NRXN1: variants seen among roughly 807,000 people sequenced by gnomAD.
NRXN1 encodes neurexin-1.
A neutral mutation model predicts 150.9 loss-of-function variants in NRXN1; 39 were observed. The ratio of observed to expected loss-of-function variants is 0.26; its 90% CI spans 0.20 to 0.34. The LOEUF is 0.34. NRXN1 is among the 10% of genes least tolerant of loss of function. The probability of loss-of-function intolerance (pLI) is 1.00; values close to 1 mark genes in which losing one functional copy is unlikely to be tolerated. For missense variants in NRXN1, 1,815 were observed against 1,949.9 expected, an observed-to-expected ratio of 0.93 and a Z score of 1.30; for synonymous variants, 924 against 757.0, an observed-to-expected ratio of 1.22 and a Z score of -3.62.
chr2:50,820,131 G>GA (rs148836913), intron 5 of NRXN1, among the ~76,000 whole-genome samples: 11,947 of 151,700 alleles, frequency 0.079, 580 homozygotes, highest in Middle Eastern at 0.13. Context: ...ATGGGGATAT[G>GA]AAAAAAAACA....
intron 10 of NRXN1, among the ~76,000 whole-genome samples, chr2:50,535,692 A>G (rs985604973): frequency 1.3e-5 from 2 of 152,298 alleles, no homozygotes; most frequent in African/African-American, 2.4e-5. Context: ...TCCTTCTTAT[A>G]GGATCAATAC....
At chr2:50,131,923 C>A (rs888397659) in intron 18 of NRXN1, among the ~76,000 whole-genome samples, 3 of 152,022 alleles carry the variant, frequency 2.0e-5, no homozygotes, top group African/African-American at 7.3e-5. Context: ...CTCTATTGAA[C>A]AAGTATGGGG....
chr2:50,266,538 C>T (rs1915238), intron 17 of NRXN1, among the ~76,000 whole-genome samples: 72,394 of 128,198 alleles, frequency 0.56, 18,261 homozygotes, highest in Middle Eastern at 0.63. Context: ...TATATAAATA[C>T]ACACACACAC....
At chr2:50,007,548 A>G (rs954510726) in intron 21 of NRXN1, among the ~76,000 whole-genome samples, 1 of 152,182 alleles carries the variant, frequency 6.6e-6, no homozygotes, top group Non-Finnish European at 1.5e-5. Flanking sequence ...ATGTCCCTGC[A>G]AAGAACATGA....
intron 21 of NRXN1, among the ~76,000 whole-genome samples, chr2:49,959,820 C>T (rs1675603859): frequency 6.6e-6 from 1 of 152,140 alleles, no homozygotes; most frequent in Non-Finnish European, 1.5e-5. Context: ...CTCCAGCATG[C>T]TGAAAATAAC....
intron 21 of NRXN1, among the ~76,000 whole-genome samples, chr2:49,950,114 C>T (rs949117252): frequency 6.6e-6 from 1 of 151,750 alleles, no homozygotes; most frequent in Non-Finnish European, 1.5e-5. Flanking sequence ...ATAATTCTCA[C>T]CAGAAGGAAA....
At chr2:50,450,373 T>C (rs997531016) in intron 17 of NRXN1, among the ~76,000 whole-genome samples, 1 of 151,884 alleles carries the variant, frequency 6.6e-6, no homozygotes, top group Non-Finnish European at 1.5e-5. Context: ...CATAAATATA[T>C]ACTGAGTATA....
chr2:50,417,643 T>A (rs1315786885), intron 17 of NRXN1, among the ~76,000 whole-genome samples: 1 of 151,802 alleles, frequency 6.6e-6, no homozygotes, highest in Non-Finnish European at 1.5e-5. Context: ...CAATTCTAAA[T>A]AAGTGTGAAA....
At chr2:49,925,335 C>G (rs780223947) in intron 22 of NRXN1, among the ~76,000 whole-genome samples, 12 of 151,076 alleles carry the variant, frequency 7.9e-5, no homozygotes, top group Non-Finnish European at 1.6e-4. Context: ...TGGGACATCT[C>G]TCCCAGATAT....
intron 9 of NRXN1, among the ~76,000 whole-genome samples, chr2:50,546,148 A>C (rs1298975004): frequency 6.6e-6 from 1 of 152,128 alleles, no homozygotes; most frequent in African/African-American, 2.4e-5. Context: ...ACTAAATCTT[A>C]ATCAAAAGAG....
chr2:50,898,060 G>A (rs1259347254), intron 5 of NRXN1, among the ~76,000 whole-genome samples: 3 of 152,120 alleles, frequency 2.0e-5, no homozygotes, highest in African/African-American at 7.2e-5. Flanking sequence ...ATAATTTCCA[G>A]ATATTTCTTG....
At chr2:50,287,571 C>T (rs76989201) in intron 17 of NRXN1, among the ~76,000 whole-genome samples, 3,503 of 152,068 alleles carry the variant, frequency 0.023, 132 homozygotes, top group African/African-American at 0.08. Context: ...GGGAAGATGA[C>T]TAAAAATAGC....
chr2:50,721,389 T>C (rs147122783), intron 5 of NRXN1, among the ~76,000 whole-genome samples: 98 of 152,328 alleles, frequency 6.4e-4, no homozygotes, highest in Non-Finnish European at 1.2e-3. Context: ...CTGAAGCATG[T>C]ATTTCAGAGA....
At chr2:50,620,250 G>T in intron 7 of NRXN1, 67 bp from the exon 8 acceptor site, 3 of 1,475,896 alleles carry the variant, frequency 2.0e-6, no homozygotes, top group Non-Finnish European at 2.8e-6. Flanking sequence ...CCTGGGATAT[G>T]CCTGTTTTGT....
chr2:50,635,235 G>A (rs939533248), intron 5 of NRXN1, among the ~76,000 whole-genome samples: 22 of 151,230 alleles, frequency 1.5e-4, no homozygotes, highest in Non-Finnish European at 2.5e-4. Flanking sequence ...TCAGCTCACT[G>A]CAACCTCCAC....
intron 18 of NRXN1, among the ~76,000 whole-genome samples, chr2:50,126,084 T>C (rs1257296524): frequency 6.6e-6 from 1 of 152,094 alleles, no homozygotes; most frequent in African/African-American, 2.4e-5. Context: ...AAAAACGTAT[T>C]TCATCCATTT....
At chr2:50,511,244 G>C (rs927938454) in intron 12 of NRXN1, among the ~76,000 whole-genome samples, 1 of 152,032 alleles carries the variant, frequency 6.6e-6, no homozygotes, top group Non-Finnish European at 1.5e-5. Context: ...TATTTTAATA[G>C]ACATGGAGTT....
chr2:50,277,078 G>A (rs1163129424), intron 17 of NRXN1, among the ~76,000 whole-genome samples: 8 of 151,900 alleles, frequency 5.3e-5, no homozygotes, highest in Admixed American at 1.3e-4. Context: ...AGAAATATTC[G>A]TTCAGAATGT....
intron 17 of NRXN1, among the ~76,000 whole-genome samples, chr2:50,320,822 G>C (rs1309076056): frequency 6.6e-6 from 1 of 152,146 alleles, no homozygotes; most frequent in African/African-American, 2.4e-5. Context: ...AAGTCTGGCT[G>C]TTTCATTCAT....
Sources: gnomAD v4.1 joint callset for allele counts (sites outside exome capture counted in the v4.1 genomes callset) on GRCh38, gnomAD v4.1.1 for gene constraint, MANE v1.5 for transcripts, NCBI Gene and HGNC (gene_info 2026-07-23, HGNC 2026-07-21) for gene names.